The following UFL1 variants were observed in gnomAD, a reference collection of about 807,000 sequenced individuals.
UFL1 encodes the protein UFM1 specific ligase 1.
UFL1 carries 78 observed loss-of-function variants against 99.3 expected under a neutral mutation model. The observed-to-expected ratio is 0.79, with a 90% CI of 0.65 to 0.95. UFL1 has a LOEUF of 0.95. UFL1 is among the 40% of genes least tolerant of loss of function. UFL1 has a pLI of 0.00. For missense variants in UFL1, 936 were observed against 937.0 expected, an observed-to-expected ratio of 1.00 and a Z score of 0.01; for synonymous variants, 335 against 322.2, an observed-to-expected ratio of 1.04 and a Z score of -0.42.
chr6:96,542,281 A>G (rs1290199957), intron 11 of UFL1, among the ~76,000 whole-genome samples: 1 of 151,296 alleles, frequency 6.6e-6, no homozygotes, highest in African/African-American at 2.4e-5. Context: ...TAACCAATTA[A>G]TATTCATGGT....
chr6:96,548,010 A>G (rs748251462), intron 12 of UFL1, among the ~76,000 whole-genome samples, 154 bp from the exon 13 acceptor site: 17 of 151,678 alleles, frequency 1.1e-4, no homozygotes, highest in Non-Finnish European at 2.2e-4. Flanking sequence ...TCCTAATTTC[A>G]AAATTGTTTT....
chr6:96,536,334 A>G lies in UFL1; in HGVS notation c.746A>G (p.Tyr249Cys), dbSNP rs151296506. 2.5e-6 allele frequency: 4 copies of G among 1,611,336 alleles called. No homozygotes were observed. Among genetic ancestry groups the G allele is most frequent in the South Asian group, 2.2e-5 (2 of 90,890 alleles). ...AAAGCTGTGTTTGTCCCTGACATCT[A>G]CTCCAGGACACAGAGTACTTGGGTG... ...QDKAVFVPDIYSRTQSTWVDS... is the reference protein window; with the variant it reads ...QDKAVFVPDICSRTQSTWVDS... Residue 249 changes from tyrosine (Y) to cysteine (C), a missense_variant, in exon 8 of 19, where the codon TAC (tyrosine) becomes TGC (cysteine). Tyr to Cys is a radical substitution (Grantham distance 194). Transcript: ENST00000369278.
chr6:96,539,031 T>C (rs1769893969), intron 10 of UFL1, among the ~76,000 whole-genome samples: 1 of 151,628 alleles, frequency 6.6e-6, no homozygotes, highest in Non-Finnish European at 1.5e-5. Flanking sequence ...CTTTATAAAT[T>C]AAAATAACGT....
At chr6:96,524,167 T>TAA (rs76513020) in intron 2 of UFL1, among the ~76,000 whole-genome samples, 5 of 141,028 alleles carry the variant, frequency 3.5e-5, no homozygotes, top group East Asian at 4.1e-4. Context: ...TGATGTTATT[T>TAA]AAAAAAAAAA....
chr6:96,533,255 C>T (rs764441999), intron 6 of UFL1, among the ~76,000 whole-genome samples: 15 of 151,032 alleles, frequency 9.9e-5, no homozygotes, highest in South Asian at 2.1e-4. Context: ...TCATAGGAGT[C>T]CACCCCAAAG....
In UFL1 at chr6:96,521,858, T is replaced by G. The variant is rs745846634; in HGVS notation, c.-16T>G. On this transcript the variant is annotated 5_prime_UTR_variant, in exon 1 of 19. Coordinates refer to ENST00000369278, the MANE Select transcript of UFL1 (RefSeq NM_015323.5). ...GTGTCTGCAGTTCCTCCGCGTCTAC[T>G]GCGAGTCAGGCCGTGATGGCGGACG... 1.2e-6 allele frequency: 2 copies of G among 1,609,806 alleles called. No homozygotes were observed. Among genetic ancestry groups the G allele is most frequent in the Non-Finnish European group, 1.7e-6 (2 of 1,178,638 alleles).
intron 6 of UFL1, among the ~76,000 whole-genome samples, chr6:96,531,163 G>A (rs1055287391): frequency 1.1e-4 from 17 of 152,266 alleles, no homozygotes; most frequent in Admixed American, 3.9e-4. Context: ...CCCACAACCC[G>A]GGTCCGTGCA....
intron 12 of UFL1, among the ~76,000 whole-genome samples, chr6:96,545,279 T>C (rs1769984228): frequency 6.6e-6 from 1 of 151,140 alleles, no homozygotes; most frequent in East Asian, 1.9e-4. Flanking sequence ...ATCACTTTTA[T>C]ACCTTTACAA....
intron 10 of UFL1, among the ~76,000 whole-genome samples, chr6:96,540,168 A>T (rs553352385): frequency 1.6e-4 from 25 of 151,596 alleles, no homozygotes; most frequent in Admixed American, 7.3e-4. Context: ...TCAAATATCC[A>T]GGTGGCATTG....
chr6:96,539,039 C>T (rs367983809), intron 10 of UFL1, among the ~76,000 whole-genome samples: 110 of 151,542 alleles, frequency 7.3e-4, no homozygotes, highest in East Asian at 1.6e-3. Flanking sequence ...ATTAAAATAA[C>T]GTAAAGGAAA....
intron 18 of UFL1, 21 bp downstream of exon 18, chr6:96,552,683 T>C (rs758889727): frequency 1.3e-6 from 2 of 1,567,992 alleles, no homozygotes; most frequent in South Asian, 2.4e-5. Flanking sequence ...TTCAATACAC[T>C]TGAAACTTTC....
intron 6 of UFL1, among the ~76,000 whole-genome samples, chr6:96,533,173 G>T (rs998195300): frequency 1.3e-5 from 2 of 151,018 alleles, no homozygotes; most frequent in Non-Finnish European, 3.0e-5. Context: ...ATTGTAATCA[G>T]AATAAAAAGT....
In UFL1 at chr6:96,523,129, T is replaced by G; in HGVS notation, c.78-17T>G. 3 of 1,583,654 alleles carry G rather than the reference T, an allele frequency of 1.9e-6. No homozygotes were observed. The highest frequency in any genetic ancestry group is 2.6e-6 in the Non-Finnish European group (3 of 1,166,516). ...TCTCAAGTGGACTTTTGAAACAACT[T>G]TTTTTCTTTCCCTCAGGTTGTCCGA... is the stretch of plus-strand genomic sequence containing the variant. On this transcript the variant is annotated splice_polypyrimidine_tract_variant and intron_variant, in intron 1 of 18. Coordinates refer to ENST00000369278, the MANE Select transcript of UFL1 (RefSeq NM_015323.5).
intron 12 of UFL1, among the ~76,000 whole-genome samples, chr6:96,544,890 A>C (rs1213251909): frequency 6.6e-6 from 1 of 151,060 alleles, no homozygotes; most frequent in African/African-American, 2.4e-5. Flanking sequence ...AAAAGTAGTA[A>C]AACCATTCTA....
At chr6:96,532,422 A>T (rs750528380) in intron 6 of UFL1, among the ~76,000 whole-genome samples, 3 of 152,214 alleles carry the variant, frequency 2.0e-5, no homozygotes, top group Non-Finnish European at 2.9e-5. Context: ...TGTGGTTTGT[A>T]CCCACCAAAA....
intron 6 of UFL1, among the ~76,000 whole-genome samples, chr6:96,529,952 T>G (rs1484877602): frequency 6.6e-6 from 1 of 152,166 alleles, no homozygotes; most frequent in Non-Finnish European, 1.5e-5. Context: ...CACAGATACT[T>G]TAATCTGTAT....
chr6:96,525,400 T>C lies in UFL1; in HGVS notation c.350+6T>C, dbSNP rs1008618186. 6.4e-7 allele frequency: 1 copy of C among 1,568,664 alleles called. No individual in the cohort carries two copies. Among genetic ancestry groups the C allele is most frequent in the Non-Finnish European group, 8.7e-7 (1 of 1,152,096 alleles). On this transcript the variant is annotated splice_donor_region_variant and intron_variant, in intron 4 of 18. Transcript: ENST00000369278. The stretch of plus-strand genomic sequence containing the variant: ...TTGGGACAACTGATAGATGAGTAAG[T>C]ACAATAAAGTACAAATTTAAGAGCA...
intron 5 of UFL1, among the ~76,000 whole-genome samples, 164 bp from the exon 6 acceptor site, chr6:96,528,334 CACTG>C (rs1769731434): frequency 6.6e-6 from 1 of 152,194 alleles, no homozygotes; most frequent in South Asian, 2.1e-4. Flanking sequence ...CTTTGCTAGA[CACTG>C]AATCTTCACT....
intron 13 of UFL1, 138 bp from the exon 14 acceptor site, chr6:96,549,274 T>G: frequency 1.6e-6 from 1 of 617,460 alleles, no homozygotes; most frequent in East Asian, 3.4e-5. Flanking sequence ...TTAGTGAACT[T>G]GTCTCCAAAT....
Sources: gnomAD v4.1 joint callset for allele counts (sites outside exome capture counted in the v4.1 genomes callset) on GRCh38, gnomAD v4.1.1 for gene constraint, MANE v1.5 for transcripts, NCBI Gene and HGNC (gene_info 2026-07-23, HGNC 2026-07-21) for gene names.